The following ARHGAP22 variants were observed in gnomAD, a reference collection of about 807,000 sequenced individuals.
The protein encoded by ARHGAP22 is Rho GTPase activating protein 22.
In ARHGAP22, 48 loss-of-function variants were observed where a neutral mutation model predicts 59.1. The observed-to-expected ratio is 0.81, with a 90% CI of 0.64 to 1.03. The LOEUF (loss-of-function observed/expected upper bound fraction) is 1.03, where lower values mean the gene tolerates loss of function less well. ARHGAP22 is among the 50% of genes least tolerant of loss of function. The probability of loss-of-function intolerance (pLI) is 0.00; values close to 1 mark genes in which losing one functional copy is unlikely to be tolerated. For synonymous variants in ARHGAP22, 445 were observed against 416.4 expected, an observed-to-expected ratio of 1.07 and a Z score of -0.84; for missense variants, 1,015 against 958.7, an observed-to-expected ratio of 1.06 and a Z score of -0.78.
chr10:48,636,382 G>A (rs1054440837), intron 1 of ARHGAP22, among the ~76,000 whole-genome samples: 1 of 152,200 alleles, frequency 6.6e-6, no homozygotes, highest in African/African-American at 2.4e-5. Context: ...TGAGCAGGAT[G>A]GAGGCCTTAG....
intron 3 of ARHGAP22, among the ~76,000 whole-genome samples, chr10:48,509,255 G>A (rs528834359): frequency 1.7e-4 from 26 of 152,212 alleles, no homozygotes; most frequent in African/African-American, 5.8e-4. Context: ...CCTGGCCAGC[G>A]TGGGGGACCA....
At position 48,590,105 on chromosome 10, in the gene ARHGAP22, A is replaced by G. The variant is rs181582602; in HGVS notation, c.35-6953T>C. Among the ~76,000 whole-genome samples, 310 of 152,148 alleles carry G rather than the reference A, an allele frequency of 2.0e-3. 3 individuals carry two copies. Among genetic ancestry groups the G allele is most frequent in the Non-Finnish European group, 2.5e-3 (168 of 67,982 alleles). On this transcript the variant is annotated intron_variant, in intron 1 of 9. Transcript: ENST00000249601. ...ATGGGTGGAGGGGTGAGGGTACACA[A>G]GGGCCACTTTACAGAGAGAGGGTAG...
intron 3 of ARHGAP22, among the ~76,000 whole-genome samples, chr10:48,518,816 G>A (rs1359056248): frequency 1.3e-5 from 2 of 152,250 alleles, no homozygotes; most frequent in Non-Finnish European, 2.9e-5. Flanking sequence ...GGGGCTGCAG[G>A]TGCTGGCATA....
At chr10:48,553,710 G>A (rs1273939691) in intron 3 of ARHGAP22, among the ~76,000 whole-genome samples, 2 of 152,134 alleles carry the variant, frequency 1.3e-5, no homozygotes, top group East Asian at 3.9e-4. Flanking sequence ...ATGGCAAAGG[G>A]TCTTCTCCTA....
intron 1 of ARHGAP22, among the ~76,000 whole-genome samples, chr10:48,631,787 A>T (rs1444701477): frequency 6.6e-6 from 1 of 152,218 alleles, no homozygotes; most frequent in Non-Finnish European, 1.5e-5. Context: ...CATGAGAAAA[A>T]TGAAGACTTT....
At chr10:48,542,110 G>T (rs2056013692) in intron 3 of ARHGAP22, among the ~76,000 whole-genome samples, 1 of 152,184 alleles carries the variant, frequency 6.6e-6, no homozygotes, top group Admixed American at 6.5e-5. Flanking sequence ...GTTTATGAAT[G>T]AGATGAGGAC....
At chr10:48,463,331 G>C (rs949774233) in intron 4 of ARHGAP22, among the ~76,000 whole-genome samples, 1 of 152,190 alleles carries the variant, frequency 6.6e-6, no homozygotes, top group East Asian at 1.9e-4. Context: ...AAGGACACTG[G>C]GGCCAGGATA....
chr10:48,599,140 T>G (rs1007309704), intron 1 of ARHGAP22, among the ~76,000 whole-genome samples: 1 of 152,166 alleles, frequency 6.6e-6, no homozygotes, highest in Admixed American at 6.5e-5. Flanking sequence ...CCAACAGGGC[T>G]CCAAGCCACA....
At chr10:48,432,202 TA>T in the ARHGAP22 span, among the ~76,000 whole-genome samples, 1 of 152,210 alleles carries the variant, frequency 6.6e-6, no homozygotes, top group Admixed American at 6.5e-5. Flanking sequence ...GAAGTAAAAC[TA>T]TGCCATTTTA....
chr10:48,577,426 G>A (rs932859951), intron 2 of ARHGAP22, among the ~76,000 whole-genome samples: 3 of 152,180 alleles, frequency 2.0e-5, no homozygotes, highest in Admixed American at 2.0e-4. Context: ...GGAGCTGACT[G>A]GGTGGCGTCG....
intron 3 of ARHGAP22, among the ~76,000 whole-genome samples, chr10:48,488,735 G>A (rs2050087087): frequency 6.6e-6 from 1 of 152,226 alleles, no homozygotes; most frequent in African/African-American, 2.4e-5. Context: ...TGTTGCCTCT[G>A]ATCCTTTCTG....
intron 3 of ARHGAP22, among the ~76,000 whole-genome samples, chr10:48,487,471 A>G (rs941911101): frequency 1.3e-5 from 2 of 152,206 alleles, no homozygotes; most frequent in African/African-American, 4.8e-5. Context: ...GTGGAGGGGA[A>G]GACAGAAGAG....
intron 3 of ARHGAP22, among the ~76,000 whole-genome samples, chr10:48,528,780 T>G (rs1038492344): frequency 6.6e-6 from 1 of 152,112 alleles, no homozygotes; most frequent in African/African-American, 2.4e-5. Context: ...GAGGGCTGGT[T>G]GTTTAAAAGA....
intron 3 of ARHGAP22, among the ~76,000 whole-genome samples, chr10:48,482,105 T>C (rs903132781): frequency 7.9e-5 from 12 of 152,252 alleles, no homozygotes; most frequent in Admixed American, 3.9e-4. Context: ...CAGAAGTTTT[T>C]AATTTTGCAA....
downstream of ARHGAP22, among the ~76,000 whole-genome samples, chr10:48,441,757 CAT>C (rs1310955090): frequency 1.3e-5 from 2 of 152,142 alleles, no homozygotes; most frequent in African/African-American, 2.4e-5. Flanking sequence ...CGGCCAGGCA[CAT>C]GTGTTTTTAT....
Position 48,451,070 on chromosome 10 carries a change from G to A in ARHGAP22, c.1059C>T (p.Val353=), listed in dbSNP as rs45538236. 1.7e-3 allele frequency: 2,638 copies of A among 1,552,498 alleles called. 5 individuals are homozygous for A. Among genetic ancestry groups the A allele is most frequent in the Admixed American group, 2.4e-3 (123 of 51,226 alleles). The change falls in exon 9 of 10, where the codon GTC becomes GTT. Residue 353 remains valine (V), a synonymous_variant. Transcript: ENST00000249601. ...RKHSQLFTAP[V]PEGPTSPRGG... is the part of the protein sequence containing the mutation. ...CGCGCGGGGAGGTGGGCCCTTCCGG[G>A]ACCGGTGCCGTGAAGAGCTGGCTGT... is the stretch of plus-strand genomic sequence containing the variant.
chr10:48,434,849 G>A, the ARHGAP22 span: 1 of 1,578,622 alleles, frequency 6.3e-7, no homozygotes, highest in South Asian at 1.2e-5. Context: ...GCAGCTGTCT[G>A]CAACTGATTT....
intron 3 of ARHGAP22, among the ~76,000 whole-genome samples, chr10:48,511,941 G>A (rs1259427474): frequency 6.6e-6 from 1 of 152,188 alleles, no homozygotes; most frequent in Non-Finnish European, 1.5e-5. Context: ...CCCCCAATTA[G>A]CCCCCAGTCT....
chr10:48,484,826 T>C (rs1210540516), intron 3 of ARHGAP22, among the ~76,000 whole-genome samples: 1 of 152,026 alleles, frequency 6.6e-6, no homozygotes, highest in Non-Finnish European at 1.5e-5. Context: ...CTCACCCTGA[T>C]ATTGGTAATT....
Sources: gnomAD v4.1 joint callset for allele counts (sites outside exome capture counted in the v4.1 genomes callset) on GRCh38, gnomAD v4.1.1 for gene constraint, MANE v1.5 for transcripts, NCBI Gene and HGNC (gene_info 2026-07-23, HGNC 2026-07-21) for gene names.